Variants in PTPRD observed in about 807,000 individuals in gnomAD.
PTPRD encodes the protein protein tyrosine phosphatase receptor type D, also known as receptor-type tyrosine-protein phosphatase delta.
In PTPRD, 34 loss-of-function variants were observed where a neutral mutation model predicts 214.5. That is an observed-to-expected ratio of 0.16 (90% confidence interval 0.12 to 0.21). The LOEUF is 0.21. Among genes scored for constraint, PTPRD ranks in the 10% least tolerant of loss-of-function variants. The pLI is 1.00. For missense variants in PTPRD, 2,545 were observed against 2,398.7 expected (o/e 1.06, Z -1.27); for synonymous variants, 1,128 against 845.7 (o/e 1.33, Z -5.79).
intron 3 of PTPRD, among the ~76,000 whole-genome samples, chr9:10,126,603 C>G (rs773771020): frequency 2.1e-4 from 32 of 152,112 alleles, no homozygotes; most frequent in Non-Finnish European, 4.0e-4. Context: ...TTCCCCTTTA[C>G]AGGTTTCTCA....
chr9:9,304,344 G>A (rs998508421), intron 9 of PTPRD, among the ~76,000 whole-genome samples: 1 of 152,114 alleles, frequency 6.6e-6, no homozygotes, highest in African/African-American at 2.4e-5. Context: ...CAAAGAACAT[G>A]ACATTTGAGC....
At chr9:8,892,578 T>C (rs1408203064) in intron 11 of PTPRD, among the ~76,000 whole-genome samples, 3 of 149,998 alleles carry the variant, frequency 2.0e-5, no homozygotes. Context: ...TGTATATATA[T>C]GTGTGTATAT....
chr9:9,926,542 A>G (rs1602414691), intron 5 of PTPRD, among the ~76,000 whole-genome samples: 1 of 152,190 alleles, frequency 6.6e-6, no homozygotes, highest in Non-Finnish European at 1.5e-5. Context: ...AAGAGAAAGA[A>G]AAAACCAAAC....
At chr9:10,526,177 C>T (rs918588107) in intron 2 of PTPRD, among the ~76,000 whole-genome samples, 4 of 151,938 alleles carry the variant, frequency 2.6e-5, no homozygotes, top group Non-Finnish European at 5.9e-5. Flanking sequence ...TAGGTCAATA[C>T]CAACTAAGTC....
chr9:8,394,000 C>A (rs1250278972), intron 36 of PTPRD, among the ~76,000 whole-genome samples: 2 of 152,004 alleles, frequency 1.3e-5, no homozygotes, highest in East Asian at 3.9e-4. Flanking sequence ...TAGAGCTGTG[C>A]TTCTGTTGTT....
At chr9:8,654,443 G>C (rs1194007603) in intron 12 of PTPRD, among the ~76,000 whole-genome samples, 3 of 152,072 alleles carry the variant, frequency 2.0e-5, no homozygotes, top group Non-Finnish European at 4.4e-5. Context: ...TGGAGTAAAC[G>C]ACGAGTTCAT....
At chr9:8,724,393 C>T (rs1242929364) in intron 12 of PTPRD, among the ~76,000 whole-genome samples, 1 of 152,102 alleles carries the variant, frequency 6.6e-6, no homozygotes, top group Non-Finnish European at 1.5e-5. Flanking sequence ...CTCCTTAAAC[C>T]TCTATCACCC....
chr9:8,728,140 C>T (rs1282390476), intron 12 of PTPRD, among the ~76,000 whole-genome samples: 1 of 152,116 alleles, frequency 6.6e-6, no homozygotes, highest in East Asian at 1.9e-4. Flanking sequence ...ATCCCAGCTA[C>T]TAGAGAGGCT....
At chr9:10,370,899 A>G (rs1006695623) in intron 2 of PTPRD, among the ~76,000 whole-genome samples, 2 of 151,988 alleles carry the variant, frequency 1.3e-5, no homozygotes, top group African/African-American at 4.8e-5. Flanking sequence ...GGTCTGAGTG[A>G]GTGTTCAGAG....
intron 12 of PTPRD, among the ~76,000 whole-genome samples, chr9:8,682,965 C>T (rs1312461164): frequency 2.0e-5 from 3 of 151,850 alleles, no homozygotes; most frequent in African/African-American, 7.3e-5. Context: ...TGCAGGTTTC[C>T]CAAAAAAAGT....
At chr9:10,065,443 G>A (rs1379290959) in intron 3 of PTPRD, among the ~76,000 whole-genome samples, 1 of 151,620 alleles carries the variant, frequency 6.6e-6, no homozygotes, top group Non-Finnish European at 1.5e-5. Context: ...ACTCCATTAG[G>A]CTTTTTTTTT....
At chr9:10,344,668 G>T (rs1044182577) in intron 2 of PTPRD, among the ~76,000 whole-genome samples, 1 of 152,106 alleles carries the variant, frequency 6.6e-6, no homozygotes, top group African/African-American at 2.4e-5. Context: ...CATGAGCATG[G>T]AATGTTCTTC....
intron 12 of PTPRD, among the ~76,000 whole-genome samples, chr9:8,687,815 G>A (rs947429460): frequency 2.0e-5 from 3 of 150,050 alleles, no homozygotes; most frequent in Non-Finnish European, 4.4e-5. Context: ...CATATTCCCT[G>A]AGAACTTTAC....
At chr9:9,905,175 C>G (rs1204933851) in intron 5 of PTPRD, among the ~76,000 whole-genome samples, 3 of 151,912 alleles carry the variant, frequency 2.0e-5, no homozygotes, top group African/African-American at 7.2e-5. Flanking sequence ...AAAGTTCTTT[C>G]TAGACCATTA....
chr9:10,369,269 C>T (rs1010239014), intron 2 of PTPRD, among the ~76,000 whole-genome samples: 1 of 152,016 alleles, frequency 6.6e-6, no homozygotes, highest in East Asian at 1.9e-4. Context: ...GTTCAAGATG[C>T]CATTATCCTT....
chr9:8,961,255 A>T (rs2099157237), intron 11 of PTPRD, among the ~76,000 whole-genome samples: 1 of 152,132 alleles, frequency 6.6e-6, no homozygotes, highest in Non-Finnish European at 1.5e-5. Flanking sequence ...TTCCAGGGAC[A>T]AAGGGCAGAT....
At chr9:9,494,365 A>G (rs1487421529) in intron 8 of PTPRD, among the ~76,000 whole-genome samples, 7 of 152,208 alleles carry the variant, frequency 4.6e-5, no homozygotes, top group African/African-American at 1.4e-4. Context: ...CATTGCATAG[A>G]ACAAAACTTT....
chr9:8,462,072 T>C (rs974279414), intron 32 of PTPRD, among the ~76,000 whole-genome samples: 1 of 152,030 alleles, frequency 6.6e-6, no homozygotes, highest in Non-Finnish European at 1.5e-5. Context: ...TTAATGTTCC[T>C]AAACTCAGAT....
At chr9:8,412,494 T>G (rs2093609902) in intron 35 of PTPRD, among the ~76,000 whole-genome samples, 1 of 152,172 alleles carries the variant, frequency 6.6e-6, no homozygotes, top group Non-Finnish European at 1.5e-5. Context: ...ATTAACTAGA[T>G]GAATGCATTA....
Sources: allele counts gnomAD v4.1 joint callset (sites outside exome capture counted in the v4.1 genomes callset), GRCh38; gene constraint gnomAD v4.1.1; transcripts MANE v1.5; gene names NCBI Gene and HGNC (gene_info 2026-07-23, HGNC 2026-07-21).